ZMIZ1: variants seen among roughly 807,000 people sequenced by gnomAD.
The protein encoded by ZMIZ1 is zinc finger MIZ domain-containing protein 1.
In ZMIZ1, 17 loss-of-function variants were observed where a neutral mutation model predicts 113.9. The ratio of observed to expected loss-of-function variants is 0.15; its 90% CI spans 0.10 to 0.22. ZMIZ1 has a LOEUF of 0.22. Among genes scored for constraint, ZMIZ1 ranks in the 10% least tolerant of loss-of-function variants. The pLI, the probability that ZMIZ1 is intolerant of heterozygous loss-of-function variation, is 1.00. For missense variants in ZMIZ1, 1,059 were observed against 1,477.8 expected (o/e 0.72, Z 4.65); for synonymous variants, 607 against 603.1 (o/e 1.01, Z -0.09).
intron 2 of ZMIZ1, among the ~76,000 whole-genome samples, chr10:79,121,182 A>G (rs1006752524): frequency 2.0e-5 from 3 of 152,196 alleles, no homozygotes; most frequent in African/African-American, 7.2e-5. Flanking sequence ...CTTTTCTCCC[A>G]TGATCTCCTC....
intron 6 of ZMIZ1, among the ~76,000 whole-genome samples, chr10:79,209,919 G>A (rs1848469989): frequency 6.6e-6 from 1 of 152,236 alleles, no homozygotes; most frequent in African/African-American, 2.4e-5. Context: ...GATGCAGCCA[G>A]GACCCTCCTG....
chr10:79,177,683 A>T (rs907658445), intron 4 of ZMIZ1, among the ~76,000 whole-genome samples: 2 of 152,266 alleles, frequency 1.3e-5, no homozygotes, highest in African/African-American at 4.8e-5. Flanking sequence ...GCCTAACCCA[A>T]CATGAGCTTG....
At chr10:79,277,075 C>G (rs1183152531) in intron 7 of ZMIZ1, 106 bp from the exon 8 acceptor site, 1 of 1,381,966 alleles carries the variant, frequency 7.2e-7, no homozygotes, top group Non-Finnish European at 9.5e-7. Flanking sequence ...AATCTGGGAG[C>G]AAAACCAGCA....
intron 20 of ZMIZ1, 97 bp from the exon 21 acceptor site, chr10:79,305,436 G>A: frequency 7.2e-7 from 1 of 1,397,922 alleles, no homozygotes; most frequent in Non-Finnish European, 1.0e-6. Context: ...GTAACCAGCA[G>A]CAGGGGTGGG....
In ZMIZ1 at chr10:79,275,033, T is replaced by C. The variant is rs572664369; in HGVS notation, c.281-2148T>C. On this transcript the variant is annotated intron_variant, in intron 7 of 24. Transcript: ENST00000334512. The stretch of plus-strand genomic sequence containing the variant: ...GGCAGTGGAGTGATCCCTCCGTCAC[T>C]GCGATCCAGCGGGCCTCGTGCTTGG... Among the ~76,000 whole-genome samples, 187 of 152,360 alleles carry C rather than the reference T, an allele frequency of 1.2e-3. 1 individual carries two copies. Among genetic ancestry groups the C allele is most frequent in the Non-Finnish European group, 1.9e-3 (129 of 68,030 alleles).
intron 7 of ZMIZ1, among the ~76,000 whole-genome samples, chr10:79,220,804 G>A (rs1319960670): frequency 6.6e-6 from 1 of 152,138 alleles, no homozygotes; most frequent in Non-Finnish European, 1.5e-5. Context: ...GGGAGAGTAT[G>A]TGGCTTTGTA....
rs571166820 is a variant in ZMIZ1 at position 79,279,700 on chromosome 10, G to A, written c.425+2375G>A. On this transcript the variant is annotated intron_variant, in intron 8 of 24. Coordinates refer to ENST00000334512, the MANE Select transcript of ZMIZ1 (RefSeq NM_020338.4). ...TTGAGCACTGAGTGAGCGAGACTCC[G>A]TCTGCAATCCGGCACCTTGGGAGGC... 9.2e-5 allele frequency among the ~76,000 whole-genome samples: 14 copies of A among 152,358 alleles called. No individual in the cohort carries two copies. In the East Asian group the frequency reaches 2.1e-3, roughly 23 times the overall value.
At chr10:79,274,948 G>A (rs1201609282) in intron 7 of ZMIZ1, among the ~76,000 whole-genome samples, 5 of 152,224 alleles carry the variant, frequency 3.3e-5, no homozygotes, top group South Asian at 2.1e-4. Context: ...CAGGAGGAGC[G>A]AGGGCTGCGA....
intron 18 of ZMIZ1, 78 bp downstream of exon 18, chr10:79,302,290 C>T: frequency 7.0e-7 from 1 of 1,437,916 alleles, no homozygotes. Flanking sequence ...AGTCACCATT[C>T]ACCTGGAACT....
chr10:79,077,759 C>G (rs1842524534), intron 1 of ZMIZ1, among the ~76,000 whole-genome samples: 1 of 152,224 alleles, frequency 6.6e-6, no homozygotes, highest in Non-Finnish European at 1.5e-5. Flanking sequence ...AACAGGCTTA[C>G]TAGTGGTGTA....
intron 1 of ZMIZ1, among the ~76,000 whole-genome samples, chr10:79,108,001 C>T (rs1843617866): frequency 6.6e-6 from 1 of 152,130 alleles, no homozygotes. Flanking sequence ...TTCCTCTCAG[C>T]ATCTGTCTAT....
chr10:79,262,444 A>G (rs1371835292), intron 7 of ZMIZ1, among the ~76,000 whole-genome samples: 1 of 152,268 alleles, frequency 6.6e-6, no homozygotes, highest in Non-Finnish European at 1.5e-5. Flanking sequence ...GGACCGCACC[A>G]TCCAGACATC....
intron 8 of ZMIZ1, among the ~76,000 whole-genome samples, chr10:79,282,754 G>T (rs1362063214): frequency 6.6e-6 from 1 of 152,236 alleles, no homozygotes; most frequent in Non-Finnish European, 1.5e-5. Flanking sequence ...GGTAAGGGTG[G>T]TGACGAGGAA....
intron 7 of ZMIZ1, among the ~76,000 whole-genome samples, chr10:79,242,779 G>A (rs1215490597): frequency 6.6e-6 from 1 of 151,996 alleles, no homozygotes; most frequent in African/African-American, 2.4e-5. Flanking sequence ...CTGGGCGGGG[G>A]AAGGAAAGGG....
At chr10:79,079,291 G>A (rs752553834) in intron 1 of ZMIZ1, among the ~76,000 whole-genome samples, 2 of 152,226 alleles carry the variant, frequency 1.3e-5, no homozygotes, top group Non-Finnish European at 2.9e-5. Flanking sequence ...TGGGGGCTGT[G>A]GGCCCCCAGA....
chr10:79,208,252 G>C, intron 5 of ZMIZ1, 84 bp from the exon 6 acceptor site: 1 of 1,212,050 alleles, frequency 8.3e-7, no homozygotes, highest in South Asian at 1.3e-5. Flanking sequence ...GTGAGGCTGG[G>C]TTCTTCCCAC....
intron 7 of ZMIZ1, among the ~76,000 whole-genome samples, chr10:79,234,267 G>A (rs1187187392): frequency 1.3e-5 from 2 of 152,148 alleles, no homozygotes; most frequent in African/African-American, 2.4e-5. Flanking sequence ...GCCGTGTGTG[G>A]AGGGAGAGAA....
Position 79,163,287 on chromosome 10 carries a change from GGAGAGCCAGGCTCCATCT to G in ZMIZ1, c.-50+1155_-50+1172del, listed in dbSNP as rs563527570. On this transcript the variant is annotated intron_variant, in intron 4 of 24. Transcript: ENST00000334512. ...CGAGCCTCAGTCAAGCTCCGACATTGGAGAGCCAGGCTCCATCTCCGTTCCTGCTGCAGGAAATCCCAG... is the reference window on the plus strand; with the variant it reads ...CGAGCCTCAGTCAAGCTCCGACATTGCCGTTCCTGCTGCAGGAAATCCCAG... 9.9e-4 allele frequency among the ~76,000 whole-genome samples: 151 copies of G among 152,354 alleles called. 1 individual carries two copies. In the East Asian group the frequency reaches 0.027, roughly 27 times the overall value.
At chr10:79,202,101 C>G (rs1352437776) in intron 5 of ZMIZ1, among the ~76,000 whole-genome samples, 1 of 134,796 alleles carries the variant, frequency 7.4e-6, no homozygotes, top group East Asian at 2.3e-4. Context: ...GGTGTGGCAG[C>G]TTACGCCTGT....
Sources: allele counts gnomAD v4.1 joint callset (sites outside exome capture counted in the v4.1 genomes callset), GRCh38; gene constraint gnomAD v4.1.1; transcripts MANE v1.5; gene names NCBI Gene and HGNC (gene_info 2026-07-23, HGNC 2026-07-21).